The following DGKD variants were observed in gnomAD, a reference collection of about 807,000 sequenced individuals.
DGKD encodes DAG kinase delta.
A neutral mutation model predicts 154.4 loss-of-function variants in DGKD; 68 were observed. That is an observed-to-expected ratio of 0.44 (90% confidence interval 0.36 to 0.54). The LOEUF (loss-of-function observed/expected upper bound fraction) is 0.54. Ranked by LOEUF, DGKD falls within the 20% of genes least tolerant of loss-of-function variation. The pLI is 0.00. For synonymous variants in DGKD, 693 were observed against 638.0 expected, an observed-to-expected ratio of 1.09 and a Z score of -1.30; for missense variants, 1,343 against 1,593.6, an observed-to-expected ratio of 0.84 and a Z score of 2.68.
At chr2:233,397,056 C>G (rs528062494) in intron 3 of DGKD, among the ~76,000 whole-genome samples, 6 of 108,882 alleles carry the variant, frequency 5.5e-5, no homozygotes, top group Admixed American at 1.1e-4. Flanking sequence ...CCAGAGGGGA[C>G]CAGGGTGGCT....
chr2:233,456,104 G>A (rs2063452575), intron 19 of DGKD, among the ~76,000 whole-genome samples: 1 of 152,240 alleles, frequency 6.6e-6, no homozygotes, highest in South Asian at 2.1e-4. Flanking sequence ...TGTATTGAGA[G>A]CTTTGAAAAG....
chr2:233,416,521 T>G (rs1183808855), intron 3 of DGKD, among the ~76,000 whole-genome samples: 3 of 152,230 alleles, frequency 2.0e-5, no homozygotes, highest in Non-Finnish European at 2.9e-5. Context: ...TCTTTTTCCT[T>G]CTCATCTTGT....
intron 24 of DGKD, 31 bp downstream of exon 24, chr2:233,460,376 A>G: frequency 6.2e-7 from 1 of 1,610,722 alleles, no homozygotes; most frequent in Non-Finnish European, 8.5e-7. Flanking sequence ...GTTGCGCATG[A>G]GCCTCCCCCA....
chr2:233,387,388 C>T (rs1703255140), intron 1 of DGKD, among the ~76,000 whole-genome samples: 2 of 152,104 alleles, frequency 1.3e-5, no homozygotes, highest in Non-Finnish European at 1.5e-5. Context: ...ACATAGTGTG[C>T]GAACGCCGAG....
At chr2:233,436,558 C>T (rs1005904602) in intron 7 of DGKD, 117 bp downstream of exon 7, 2 of 1,409,084 alleles carry the variant, frequency 1.4e-6, no homozygotes, top group East Asian at 2.5e-5. Context: ...CCAGAGGCCC[C>T]TCCGGCTGAG....
At chr2:233,400,522 G>A (rs1403052718) in intron 3 of DGKD, among the ~76,000 whole-genome samples, 1 of 152,226 alleles carries the variant, frequency 6.6e-6, no homozygotes, top group African/African-American at 2.4e-5. Context: ...TTGTGGGGGT[G>A]CCACTTCCTA....
chr2:233,453,855 CGCACACG>C (rs1553539117), intron 18 of DGKD, among the ~76,000 whole-genome samples: 4 of 152,172 alleles, frequency 2.6e-5, no homozygotes, highest in Non-Finnish European at 5.9e-5. Context: ...TCTCGTCTGT[CGCACACG>C]GGGAAAAGGA....
chr2:233,434,250 C>T (rs368190456), intron 3 of DGKD, 130 bp from the exon 4 acceptor site: 38 of 648,696 alleles, frequency 5.9e-5, no homozygotes, highest in Non-Finnish European at 8.7e-5. Context: ...TTTTTGTTTT[C>T]GGTTCAGTGT....
chr2:233,414,644 A>G (rs911227847), intron 3 of DGKD, among the ~76,000 whole-genome samples: 1 of 152,236 alleles, frequency 6.6e-6, no homozygotes, highest in Admixed American at 6.5e-5. Flanking sequence ...CCTGTGGTAC[A>G]GGACCTTGTC....
At chr2:233,404,570 G>T (rs913446157) in intron 3 of DGKD, among the ~76,000 whole-genome samples, 1 of 152,124 alleles carries the variant, frequency 6.6e-6, no homozygotes, top group African/African-American at 2.4e-5. Context: ...CTTTATTTTT[G>T]AGTATTTCTG....
rs139085833 is a variant in DGKD at position 233,468,539 on chromosome 2, C to T, written c.3541C>T (p.Arg1181Trp). Residue 1181 changes from arginine to tryptophan, a missense_variant, in exon 29 of 30, where the codon CGG becomes TGG. Coordinates refer to ENST00000264057, the MANE Select transcript of DGKD (RefSeq NM_152879.3). ...IRGSELLHLE[R>W]RDLKDLGVTK... ...GGGCTCTGAGCTCCTGCACCTGGAGCGGAGGGACCTCAAGGTACTTCCATA... is the reference window on the plus strand; with the variant it reads ...GGGCTCTGAGCTCCTGCACCTGGAGTGGAGGGACCTCAAGGTACTTCCATA... 6.3e-4 allele frequency: 1,012 copies of T among 1,613,704 alleles called. 4 individuals are homozygous for T. Among genetic ancestry groups the T allele is most frequent in the Middle Eastern group, 1.8e-3 (11 of 6,062 alleles).
chr2:233,388,414 G>A lies in DGKD; in HGVS notation c.267+47G>A, dbSNP rs1176109780. The A allele has an allele frequency of 9.0e-6, 14 of 1,556,030 alleles. 1 individual carries two copies. Among genetic ancestry groups the A allele is most frequent in the African/African-American group, 2.7e-5 (2 of 72,856 alleles). On this transcript the variant is annotated intron_variant, in intron 2 of 29. Coordinates refer to ENST00000264057, the MANE Select transcript of DGKD (RefSeq NM_152879.3). ...CACACGCGAGGACATCACAGGAGCCGTCCCAGGGGAGGAACTGGGGGTGCT... is the reference window on the plus strand; with the variant it reads ...CACACGCGAGGACATCACAGGAGCCATCCCAGGGGAGGAACTGGGGGTGCT...
chr2:233,360,355 A>C (rs1322683550), intron 1 of DGKD, among the ~76,000 whole-genome samples: 3 of 152,048 alleles, frequency 2.0e-5, no homozygotes, highest in Non-Finnish European at 4.4e-5. Context: ...GGCTCAGGCA[A>C]TCCTCCTGCC....
chr2:233,372,128 C>A (rs528224531), intron 1 of DGKD, among the ~76,000 whole-genome samples: 2 of 152,200 alleles, frequency 1.3e-5, no homozygotes, highest in East Asian at 3.9e-4. Flanking sequence ...CTCAAGTGAT[C>A]CTCCCAGTCA....
intron 1 of DGKD, among the ~76,000 whole-genome samples, chr2:233,356,948 G>C (rs1267462868): frequency 6.6e-6 from 1 of 152,164 alleles, no homozygotes; most frequent in Non-Finnish European, 1.5e-5. Flanking sequence ...CTCACCTTAA[G>C]TATTTGGAAC....
At position 233,459,993 on chromosome 2, in the gene DGKD, A is replaced by G; in HGVS notation, c.2829+102A>G. Reference sequence around the variant, plus strand: ...GGAGCTTTTTGTGTTTTGTTCTAGGATTTTTTTTTTTTTTAAGACACAATG... The same window carrying G: ...GGAGCTTTTTGTGTTTTGTTCTAGGGTTTTTTTTTTTTTTAAGACACAATG... On this transcript the variant is annotated intron_variant, in intron 23 of 29. Transcript: ENST00000264057. The surrounding 1 kb of genome is among the most constrained non-coding windows in gnomAD (Gnocchi z 5.7). 2 of 1,240,910 alleles carry G rather than the reference A, an allele frequency of 1.6e-6. No homozygotes were observed. Among genetic ancestry groups the G allele is most frequent in the African/African-American group, 3.3e-5 (2 of 61,132 alleles). The allele number at this position is 1,240,910 out of a possible 1,614,324, so 76.9% of individuals were successfully genotyped here. A position where few individuals can be genotyped will look rare whatever the true frequency, so the allele number is the denominator to read the frequency against.
chr2:233,402,393 G>T (rs184354899), intron 3 of DGKD, among the ~76,000 whole-genome samples: 2 of 152,314 alleles, frequency 1.3e-5, no homozygotes, highest in East Asian at 1.9e-4. Flanking sequence ...CCCTAGTAAT[G>T]TGTACTTGGC....
intron 1 of DGKD, among the ~76,000 whole-genome samples, chr2:233,368,234 C>T (rs957869657): frequency 1.8e-4 from 27 of 151,898 alleles, no homozygotes; most frequent in Admixed American, 7.9e-4. Flanking sequence ...TGGGGCCAGG[C>T]GCGGTGGCTC....
intron 3 of DGKD, among the ~76,000 whole-genome samples, chr2:233,427,690 G>A (rs866578273): frequency 2.0e-4 from 31 of 152,170 alleles, no homozygotes; most frequent in African/African-American, 7.2e-4. Flanking sequence ...TGATTCAGGG[G>A]TGTGAACTGT....
Sources: gnomAD v4.1 joint callset for allele counts (sites outside exome capture counted in the v4.1 genomes callset) on GRCh38, gnomAD v4.1.1 for gene constraint, Gnocchi (gnomAD v3.1) non-coding constraint, MANE v1.5 for transcripts, NCBI Gene and HGNC (gene_info 2026-07-23, HGNC 2026-07-21) for gene names.